PCDHGB1: variants seen among roughly 807,000 people sequenced by gnomAD.
PCDHGB1 encodes protocadherin gamma-B1.
In PCDHGB1, 34 loss-of-function variants were observed where a neutral mutation model predicts 56.6. The observed-to-expected ratio is 0.60, with a 90% CI of 0.46 to 0.80. The LOEUF (loss-of-function observed/expected upper bound fraction) is 0.80, where lower values mean the gene tolerates loss of function less well. PCDHGB1 is among the 30% of genes least tolerant of loss of function. The pLI is 0.00. For synonymous variants in PCDHGB1, 561 were observed against 505.9 expected, an observed-to-expected ratio of 1.11 and a Z score of -1.46; for missense variants, 1,278 against 1,204.6, an observed-to-expected ratio of 1.06 and a Z score of -0.90.
intron 1 of PCDHGB1, among the ~76,000 whole-genome samples, chr5:141,436,150 T>A (rs1270913305): frequency 6.6e-6 from 1 of 152,182 alleles, no homozygotes; most frequent in African/African-American, 2.4e-5. Flanking sequence ...ACTACCAAAA[T>A]GTTTATCATA....
chr5:141,376,574 G>A, intron 1 of PCDHGB1: 12 of 1,598,206 alleles, frequency 7.5e-6, no homozygotes, highest in Non-Finnish European at 1.0e-5. Context: ...AATCAGACAG[G>A]CTCATCAGCT....
rs2099385215 is a variant in PCDHGB1 at position 141,476,099 on chromosome 5, G to A, written c.2410-18708G>A. On this transcript the variant is annotated intron_variant, in intron 1 of 3. Coordinates refer to ENST00000523390, the MANE Select transcript of PCDHGB1 (RefSeq NM_018922.3). This position sits in a 1 kb window ranked among gnomAD's most constrained non-coding sequence, Gnocchi z 7.6. ...GGGACGATCTGGACCCCGCTGAGAGGAACTGCTTTTGAGTGAGATGGTCCC... is the reference window on the plus strand; with the variant it reads ...GGGACGATCTGGACCCCGCTGAGAGAAACTGCTTTTGAGTGAGATGGTCCC... 1 of 1,574,916 alleles carries A rather than the reference G, an allele frequency of 6.3e-7. No individual in the cohort carries two copies.
intron 1 of PCDHGB1, chr5:141,403,431 C>T: frequency 6.2e-7 from 1 of 1,614,028 alleles, no homozygotes; most frequent in Non-Finnish European, 8.5e-7. Context: ...GCTATTGATC[C>T]GGATGTTGGC....
intron 1 of PCDHGB1, chr5:141,398,715 G>A: frequency 1.2e-6 from 2 of 1,613,850 alleles, no homozygotes; most frequent in Non-Finnish European, 1.7e-6. Flanking sequence ...AACTGGCACT[G>A]GAGAAAACCT....
At chr5:141,410,008 C>A (rs2095347582) in intron 1 of PCDHGB1, 1 of 1,613,220 alleles carries the variant, frequency 6.2e-7, no homozygotes, top group Non-Finnish European at 8.5e-7. Flanking sequence ...GACACAACGC[C>A]TGGCTGTCCT....
Position 141,383,071 on chromosome 5 carries a change from G to C in PCDHGB1, c.2409+30402G>C. ...CAAGGACCTGGGGCTGGAGCCCCGGGAGCTGGCGGAGCGCGGAGTCCGCAT... is the reference window on the plus strand; with the variant it reads ...CAAGGACCTGGGGCTGGAGCCCCGGCAGCTGGCGGAGCGCGGAGTCCGCAT... On this transcript the variant is annotated intron_variant, in intron 1 of 3. Coordinates refer to ENST00000523390, the MANE Select transcript of PCDHGB1 (RefSeq NM_018922.3). The C allele has an allele frequency of 1.9e-6, 3 of 1,613,916 alleles. No homozygotes were observed. The South Asian group carries it at 3.3e-5, about 18-fold the overall frequency.
chr5:141,399,287 C>G (rs1393904771), intron 1 of PCDHGB1: 1 of 1,613,912 alleles, frequency 6.2e-7, no homozygotes, highest in Non-Finnish European at 8.5e-7. Context: ...GGCGAAGTCC[C>G]TTTTAAGATT....
intron 1 of PCDHGB1, chr5:141,366,985 G>A (rs1378912863): frequency 2.0e-6 from 1 of 493,266 alleles, no homozygotes; most frequent in East Asian, 3.7e-5. Flanking sequence ...AAAGGAAAGT[G>A]GTTAAATATA....
rs1418195492 is a variant in PCDHGB1 at position 141,431,459 on chromosome 5, G to T, written c.2410-63348G>T. 4 of 1,613,692 alleles carry T rather than the reference G, an allele frequency of 2.5e-6. No homozygotes were observed. The highest frequency in any genetic ancestry group is 3.4e-6 in the Non-Finnish European group (4 of 1,179,994). Reference sequence around the variant, plus strand: ...CGCGCGCATCCGCGTGATGGTTCTGGATGCGAACGACAACGCACCAGCGTT... The same window carrying T: ...CGCGCGCATCCGCGTGATGGTTCTGTATGCGAACGACAACGCACCAGCGTT... On this transcript the variant is annotated intron_variant, in intron 1 of 3. Transcript: ENST00000523390. This position sits in a 1 kb window ranked among gnomAD's most constrained non-coding sequence, Gnocchi z 4.8.
At chr5:141,374,560 C>A (rs185125730) in intron 1 of PCDHGB1, 12 of 1,613,708 alleles carry the variant, frequency 7.4e-6, no homozygotes, top group African/African-American at 1.3e-5. Context: ...AGGTCTATGA[C>A]CCTGATGTGG....
At chr5:141,376,660 T>G in intron 1 of PCDHGB1, 2 of 886,650 alleles carry the variant, frequency 2.3e-6, no homozygotes, top group South Asian at 3.6e-5. Flanking sequence ...GACTCCCTTG[T>G]TCAGGTGAGG....
chr5:141,477,642 A>G lies in PCDHGB1; in HGVS notation c.2410-17165A>G, dbSNP rs767152121. On this transcript the variant is annotated intron_variant, in intron 1 of 3. Transcript: ENST00000523390. The surrounding 1 kb of genome is among the most constrained non-coding windows in gnomAD (Gnocchi z 4.9). ...GCTGAAACCGGGCTAGTGGGTCGCT[A>G]TTTCACAATAAATCGTGACAATGGC... 9 of 1,614,136 alleles carry G rather than the reference A, an allele frequency of 5.6e-6. No individual in the cohort carries two copies. Among genetic ancestry groups the G allele is most frequent in the Non-Finnish European group, 7.6e-6 (9 of 1,180,022 alleles).
At chr5:141,356,461 A>G in intron 1 of PCDHGB1, 2 of 1,613,614 alleles carry the variant, frequency 1.2e-6, no homozygotes, top group Non-Finnish European at 1.7e-6. Context: ...ATATAACATC[A>G]CTGTAACTGC....
intron 1 of PCDHGB1, chr5:141,415,228 C>A: frequency 1.2e-6 from 2 of 1,614,168 alleles, no homozygotes; most frequent in South Asian, 2.2e-5. Flanking sequence ...CTTCGAGTCT[C>A]CAGCTAACTC....
chr5:141,443,251 C>T (rs200319609), intron 1 of PCDHGB1, among the ~76,000 whole-genome samples: 7 of 150,782 alleles, frequency 4.6e-5, no homozygotes, highest in East Asian at 3.9e-4. Flanking sequence ...GGCGCCAAGG[C>T]GGGTGGATCA....
chr5:141,457,111 G>A (rs922281700), intron 1 of PCDHGB1, among the ~76,000 whole-genome samples: 4 of 152,120 alleles, frequency 2.6e-5, no homozygotes, highest in South Asian at 2.1e-4. Flanking sequence ...AGCAAAATAC[G>A]ACAGCAATGG....
At chr5:141,414,290 T>C (rs781378958) in intron 1 of PCDHGB1, 1 of 1,613,272 alleles carries the variant, frequency 6.2e-7, no homozygotes, top group Admixed American at 1.7e-5. Context: ...GTCGTAGCCC[T>C]TTTAAATGTG....
intron 1 of PCDHGB1, chr5:141,426,849 G>A (rs749455878): frequency 2.4e-5 from 11 of 456,660 alleles, no homozygotes; most frequent in South Asian, 1.7e-4. Flanking sequence ...AGGCAAGAAC[G>A]CTCCAGAATT....
rs2099750805 is a variant in PCDHGB1, at chr5:141,493,915, T to C, written c.2410-892T>C. ...TGCTCCATGAGAGTGTGTGATGGGA[T>C]AACACACCCCCTGGAAAGACCAGAA... On this transcript the variant is annotated intron_variant, in intron 1 of 3. Transcript: ENST00000523390. This position sits in a 1 kb window ranked among gnomAD's most constrained non-coding sequence, Gnocchi z 4.3. Among the ~76,000 whole-genome samples, 1 of 152,024 alleles carries C rather than the reference T, an allele frequency of 6.6e-6. No homozygotes were observed. Among genetic ancestry groups the C allele is most frequent in the African/African-American group, 2.4e-5 (1 of 41,386 alleles).
Sources: allele counts gnomAD v4.1 joint callset (sites outside exome capture counted in the v4.1 genomes callset), GRCh38; gene constraint gnomAD v4.1.1; non-coding constraint Gnocchi (gnomAD v3.1); transcripts MANE v1.5; gene names NCBI Gene and HGNC (gene_info 2026-07-23, HGNC 2026-07-21).